CRIM1: variants seen among roughly 807,000 people sequenced by gnomAD.
CRIM1 encodes cysteine-rich motor neuron 1 protein.
A neutral mutation model predicts 116.4 loss-of-function variants in CRIM1; 32 were observed. The ratio of observed to expected loss-of-function variants is 0.27; its 90% confidence interval spans 0.21 to 0.37. The LOEUF (loss-of-function observed/expected upper bound fraction) is 0.37, where lower values mean the gene tolerates loss of function less well. CRIM1 is among the 10% of genes least tolerant of loss of function. CRIM1 has a pLI of 1.00. For synonymous variants in CRIM1, 590 were observed against 509.2 expected (o/e 1.16, Z -2.13); for missense variants, 1,331 against 1,354.8 (o/e 0.98, Z 0.28).
intron 12 of CRIM1, among the ~76,000 whole-genome samples, chr2:36,521,229 T>C (rs1413808598): frequency 1.3e-5 from 2 of 152,176 alleles, no homozygotes; most frequent in Non-Finnish European, 2.9e-5. Context: ...TCTGGGGACT[T>C]CCAGGTCTCA....
In CRIM1 at chr2:36,441,349, T is replaced by C. The variant is rs1336741702; in HGVS notation, c.597T>C (p.Pro199=). The C allele has an allele frequency of 6.2e-7, 1 of 1,614,210 alleles. No individual in the cohort carries two copies. The highest frequency in any genetic ancestry group is 8.5e-7 in the Non-Finnish European group (1 of 1,180,030). Residue 199 remains proline, a synonymous_variant, in exon 3 of 17, where the codon CCT becomes CCC. Coordinates refer to ENST00000280527, the MANE Select transcript of CRIM1 (RefSeq NM_016441.3). The stretch of plus-strand genomic sequence containing the variant: ...CTGTTCTGATCGAGGGTTATGCTCC[T>C]CCTGGGGAGTGCTGTCCCTTACCCA... ...EDSVLIEGYA[P]PGECCPLPSR...
chr2:36,443,499 T>C (rs780551339), intron 4 of CRIM1, among the ~76,000 whole-genome samples: 4 of 152,240 alleles, frequency 2.6e-5, no homozygotes, highest in Non-Finnish European at 4.4e-5. Flanking sequence ...CTTCCATCTT[T>C]TGCAGGTCAA....
intron 6 of CRIM1, among the ~76,000 whole-genome samples, chr2:36,479,189 T>C (rs574794141): frequency 1.1e-4 from 16 of 152,350 alleles, no homozygotes; most frequent in African/African-American, 3.6e-4. Context: ...GTTTTCTAAT[T>C]ACCAACCCAC....
chr2:36,530,216 T>A (rs936272201), intron 13 of CRIM1, among the ~76,000 whole-genome samples: 4 of 152,218 alleles, frequency 2.6e-5, no homozygotes, highest in Non-Finnish European at 5.9e-5. Context: ...GAGCAAGACT[T>A]CAGTTGAGTT....
chr2:36,397,932 C>T (rs893482651), intron 2 of CRIM1, among the ~76,000 whole-genome samples: 3 of 152,176 alleles, frequency 2.0e-5, no homozygotes, highest in Non-Finnish European at 4.4e-5. Context: ...TGATGAGTAT[C>T]AGTGCTAGTA....
At chr2:36,511,903 G>A (rs1275289220) in intron 9 of CRIM1, among the ~76,000 whole-genome samples, 2 of 152,160 alleles carry the variant, frequency 1.3e-5, no homozygotes, top group African/African-American at 4.8e-5. Flanking sequence ...GTGGATGGAT[G>A]GAGAAACAAA....
chr2:36,441,245 C>T lies in CRIM1; in HGVS notation c.506-13C>T. The T allele has an allele frequency of 1.2e-6, 2 of 1,614,074 alleles. No homozygotes were observed. Among genetic ancestry groups the T allele is most frequent in the Non-Finnish European group, 1.7e-6 (2 of 1,179,920 alleles). The stretch of plus-strand genomic sequence containing the variant: ...GCCCTGGGCATAAGCTAAATTCTTT[C>T]TCTCCCTTTTAGAAGAGAAGCCAGA... On this transcript the variant is annotated splice_polypyrimidine_tract_variant and intron_variant, in intron 2 of 16. Transcript: ENST00000280527.
At chr2:36,442,804 A>C in intron 4 of CRIM1, 69 bp downstream of exon 4, 2 of 1,586,236 alleles carry the variant, frequency 1.3e-6, no homozygotes, top group African/African-American at 1.3e-5. Flanking sequence ...CATTTTGAGC[A>C]TGCAGTTTGT....
At chr2:36,400,523 G>T (rs1672334121) in intron 2 of CRIM1, among the ~76,000 whole-genome samples, 1 of 152,120 alleles carries the variant, frequency 6.6e-6, no homozygotes, top group Non-Finnish European at 1.5e-5. Context: ...TTCAAGTGGA[G>T]AAAGTTTTAT....
chr2:36,548,367 T>C (rs528887729), intron 16 of CRIM1, among the ~76,000 whole-genome samples, 158 bp from the exon 17 acceptor site: 8 of 151,890 alleles, frequency 5.3e-5, no homozygotes, highest in Non-Finnish European at 1.0e-4. Context: ...AAAAGTATAG[T>C]TGGTACTAGA....
chr2:36,370,745 G>A (rs1470215288), intron 1 of CRIM1, among the ~76,000 whole-genome samples: 1 of 152,094 alleles, frequency 6.6e-6, no homozygotes, highest in East Asian at 1.9e-4. Flanking sequence ...AGAGAGAAGG[G>A]ATAAAGGATG....
In CRIM1 at chr2:36,518,987, T is replaced by C. The variant is rs548701234; in HGVS notation, c.2206+1445T>C. 6.5e-4 allele frequency among the ~76,000 whole-genome samples: 99 copies of C among 152,322 alleles called. 1 individual carries two copies. In the South Asian group the frequency reaches 0.02, roughly 31 times the overall value. ...AGCCGAAAAGCCAAACAATCCAATA[T>C]TCCACGTTAAGTCAATAATGATAAA... On this transcript the variant is annotated intron_variant, in intron 12 of 16. Coordinates refer to ENST00000280527, the MANE Select transcript of CRIM1 (RefSeq NM_016441.3).
At chr2:36,426,932 G>C (rs993318011) in intron 2 of CRIM1, among the ~76,000 whole-genome samples, 1 of 152,208 alleles carries the variant, frequency 6.6e-6, no homozygotes, top group African/African-American at 2.4e-5. Context: ...GCCGTGCGCA[G>C]TGGCTCACGC....
chr2:36,547,285 C>T (rs1667422389), intron 16 of CRIM1, 114 bp downstream of exon 16: 1 of 793,176 alleles, frequency 1.3e-6, no homozygotes, highest in Non-Finnish European at 2.1e-6. Context: ...CTTTGCTCTT[C>T]ATAGCCTCAA....
At chr2:36,479,438 T>C (rs1679234623) in intron 6 of CRIM1, 59 bp from the exon 7 acceptor site, 3 of 1,538,068 alleles carry the variant, frequency 2.0e-6, no homozygotes, top group Non-Finnish European at 2.7e-6. Context: ...CTCTGGGTAC[T>C]GACAGAGATA....
chr2:36,474,095 A>G (rs1015605721), intron 5 of CRIM1, among the ~76,000 whole-genome samples: 4 of 152,142 alleles, frequency 2.6e-5, no homozygotes, highest in African/African-American at 9.7e-5. Context: ...CCGAGTGACT[A>G]ATGATTCGAG....
chr2:36,499,308 C>T lies in CRIM1; in HGVS notation c.1462C>T (p.Arg488Cys), dbSNP rs1280959982. The T allele has an allele frequency of 2.5e-6, 4 of 1,613,954 alleles. No homozygotes were observed. Among genetic ancestry groups the T allele is most frequent in the Admixed American group, 1.7e-5 (1 of 59,998 alleles). ...GAAGGACTGCATTAATGGTTTCAAACGCGATCACAATGGTTGTCGGACCTG... is the reference window on the plus strand; with the variant it reads ...GAAGGACTGCATTAATGGTTTCAAATGCGATCACAATGGTTGTCGGACCTG... Reference protein sequence around the residue: ...TGKDCINGFKRDHNGCRTCQC... With the variant: ...TGKDCINGFKCDHNGCRTCQC... Residue 488 changes from arginine (R) to cysteine (C), a missense_variant, in exon 8 of 17, where the codon CGC becomes TGC. This residue lies in a region of CRIM1 where 690 missense variants were observed against 676.0 expected (regional missense o/e 1.02). Coordinates refer to ENST00000280527, the MANE Select transcript of CRIM1 (RefSeq NM_016441.3).
intron 1 of CRIM1, among the ~76,000 whole-genome samples, chr2:36,370,278 G>A (rs569127063): frequency 6.6e-6 from 1 of 151,118 alleles, no homozygotes; most frequent in African/African-American, 2.4e-5. Context: ...TGTGACAGCA[G>A]AAAGAAGCAG....
intron 1 of CRIM1, among the ~76,000 whole-genome samples, chr2:36,369,893 C>T (rs1289534827): frequency 6.6e-6 from 1 of 152,134 alleles, no homozygotes; most frequent in East Asian, 1.9e-4. Context: ...TGTGCACGTG[C>T]ATGTGTATTT....
Sources: gnomAD v4.1 joint callset for allele counts (sites outside exome capture counted in the v4.1 genomes callset) on GRCh38, gnomAD v4.1.1 for gene constraint, gnomAD v4.1.1 regional missense constraint, MANE v1.5 for transcripts, NCBI Gene and HGNC (gene_info 2026-07-23, HGNC 2026-07-21) for gene names.